The following ATP11A variants were observed in gnomAD, a reference collection of about 807,000 sequenced individuals.
ATP11A encodes the protein ATPase phospholipid transporting 11A.
In ATP11A, 81 loss-of-function variants were observed where a neutral mutation model predicts 154.4. The observed-to-expected ratio is 0.52, with a 90% confidence interval of 0.44 to 0.63. The LOEUF is 0.63. ATP11A is among the 30% of genes least tolerant of loss of function. The probability of loss-of-function intolerance (pLI) is 0.00; values close to 1 mark genes in which losing one functional copy is unlikely to be tolerated. For missense variants in ATP11A, 1,316 were observed against 1,474.3 expected (o/e 0.89, Z 1.76); for synonymous variants, 623 against 585.9 (o/e 1.06, Z -0.91).
chr13:112,819,358 G>A lies in ATP11A; in HGVS notation c.625G>A (p.Gly209Arg), dbSNP rs201814283. 60 of 1,614,074 alleles carry A rather than the reference G, an allele frequency of 3.7e-5. No homozygotes were observed. The highest frequency in any genetic ancestry group is 9.3e-5 in the African/African-American group (7 of 74,936). ...KGFHTEEDIG[G>R]LHATIECEQP... ...CTTCCACACAGAGGAGGATATCGGC[G>A]GACTTCACGCCACCATCGAGTGTGA... Residue 209 changes from glycine to arginine, a missense_variant, in exon 7 of 30, where the codon GGA becomes AGA. This residue lies in a region of ATP11A where 876 missense variants were observed against 1,006.8 expected (regional missense o/e 0.87). Coordinates refer to ENST00000375645, the MANE Select transcript of ATP11A (RefSeq NM_015205.3).
intron 1 of ATP11A, among the ~76,000 whole-genome samples, chr13:112,781,458 G>A (rs547904203): frequency 6.5e-4 from 99 of 152,300 alleles, no homozygotes; most frequent in Non-Finnish European, 1.2e-3. Flanking sequence ...GTTGCTAACT[G>A]TACAGAGAAC....
At chr13:112,802,890 A>G (rs1186197247) in intron 2 of ATP11A, among the ~76,000 whole-genome samples, 31 of 152,232 alleles carry the variant, frequency 2.0e-4, no homozygotes, top group East Asian at 1.9e-4. Flanking sequence ...CCTGGTATCA[A>G]ACAACACATG....
chr13:112,826,626 G>C, intron 11 of ATP11A, 68 bp from the exon 12 acceptor site: 1 of 1,267,348 alleles, frequency 7.9e-7, no homozygotes, highest in Non-Finnish European at 1.2e-6. Flanking sequence ...TGAGGTGTTA[G>C]AGCAGCATGT....
Position 112,851,159 on chromosome 13 carries a change from A to G in ATP11A, c.1932A>G (p.Glu644=). The change falls in exon 18 of 30, where the codon GAA becomes GAG. Residue 644 remains glutamate, a synonymous_variant. Coordinates refer to ENST00000375645, the MANE Select transcript of ATP11A (RefSeq NM_015205.3). The stretch of plus-strand genomic sequence containing the variant: ...AAGATCGAGAGAAAAAGTTAGCAGA[A>G]GCCTATGAGCAAATAGAGAAAGATC... The part of the protein sequence containing the change: ...ALQDREKKLA[E]AYEQIEKDLT... 6.2e-7 allele frequency: 1 copy of G among 1,614,254 alleles called. No homozygotes were observed. Among genetic ancestry groups the G allele is most frequent in the Non-Finnish European group, 8.5e-7 (1 of 1,180,046 alleles).
At chr13:112,830,695 G>A (rs1351510333) in intron 12 of ATP11A, among the ~76,000 whole-genome samples, 3 of 152,220 alleles carry the variant, frequency 2.0e-5, no homozygotes, top group African/African-American at 7.2e-5. Context: ...AAATGCTTGG[G>A]AAGAAGTGTC....
intron 2 of ATP11A, among the ~76,000 whole-genome samples, chr13:112,788,546 A>T (rs2077728572): frequency 7.0e-6 from 1 of 143,588 alleles, no homozygotes; most frequent in South Asian, 2.2e-4. Flanking sequence ...TGATGCGTAG[A>T]CTCCTGTGGA....
At position 112,865,787 on chromosome 13, in the gene ATP11A, G is replaced by T. The variant is rs149239065; in HGVS notation, c.2991+3212G>T. ...GATGGTCTCCATCTCCTGACCTCAG[G>T]TGATCTGCCCGCCTTGGCCTCCCGA... On this transcript the variant is annotated intron_variant, in intron 25 of 29. Transcript: ENST00000375645. Among the ~76,000 whole-genome samples, 73 of 152,332 alleles carry T rather than the reference G, an allele frequency of 4.8e-4. No individual in the cohort carries two copies. The East Asian group carries it at 0.013, about 27-fold the overall frequency.
chr13:112,836,044 G>A, intron 15 of ATP11A, 134 bp from the exon 16 acceptor site: 1 of 569,038 alleles, frequency 1.8e-6, no homozygotes, highest in East Asian at 2.9e-5. Context: ...CCCTCACCCA[G>A]CAGCCCTCTG....
At chr13:112,793,874 A>G (rs944105505) in intron 2 of ATP11A, among the ~76,000 whole-genome samples, 2 of 152,228 alleles carry the variant, frequency 1.3e-5, no homozygotes, top group Admixed American at 1.3e-4. Flanking sequence ...CTGTCTGCAC[A>G]CCACACTGCT....
rs182908817 is a variant in ATP11A at position 112,843,895 on chromosome 13, A to G, written c.1809+1516A>G. 2.6e-5 allele frequency among the ~76,000 whole-genome samples: 4 copies of G among 152,356 alleles called. No individual in the cohort carries two copies. The East Asian group carries it at 7.7e-4, about 29-fold the overall frequency. On this transcript the variant is annotated intron_variant, in intron 17 of 29. Transcript: ENST00000375645. ...GCTGCGTTGGAGCCAACAGGAATCC[A>G]TAAATCAGCAGCAGGTTAAAGATTG... is the stretch of plus-strand genomic sequence containing the variant.
intron 24 of ATP11A, among the ~76,000 whole-genome samples, chr13:112,861,412 C>A (rs1299192331): frequency 6.6e-6 from 1 of 152,242 alleles, no homozygotes; most frequent in African/African-American, 2.4e-5. Flanking sequence ...AAACTGCAGT[C>A]CAGCATCACA....
chr13:112,871,191 C>G (rs1057374012), intron 25 of ATP11A, among the ~76,000 whole-genome samples: 2 of 152,216 alleles, frequency 1.3e-5, no homozygotes, highest in African/African-American at 4.8e-5. Context: ...CGCCGCTGTT[C>G]TTCAACAGCA....
At chr13:112,846,775 G>A (rs899920756) in intron 17 of ATP11A, among the ~76,000 whole-genome samples, 1 of 152,152 alleles carries the variant, frequency 6.6e-6, no homozygotes, top group African/African-American at 2.4e-5. Flanking sequence ...ATCTTGTTCT[G>A]GGGTGTGGCT....
At chr13:112,757,641 C>T (rs2076872792) in intron 1 of ATP11A, among the ~76,000 whole-genome samples, 1 of 152,224 alleles carries the variant, frequency 6.6e-6, no homozygotes, top group Non-Finnish European at 1.5e-5. Flanking sequence ...TGTCTCATCC[C>T]TCAAGGGAAG....
At chr13:112,874,187 C>G (rs9549594) in intron 27 of ATP11A, among the ~76,000 whole-genome samples, 66,860 of 151,614 alleles carry the variant, frequency 0.44, 15,392 homozygotes, top group African/African-American at 0.58. Context: ...CCTGACTCAT[C>G]GGGGAGCCTC....
chr13:112,780,190 C>T (rs2077462936), intron 1 of ATP11A, among the ~76,000 whole-genome samples: 1 of 152,096 alleles, frequency 6.6e-6, no homozygotes, highest in Non-Finnish European at 1.5e-5. Flanking sequence ...GTAAAATCCT[C>T]CCTTTTAAAG....
intron 16 of ATP11A, among the ~76,000 whole-genome samples, chr13:112,837,686 A>ACAGACTC (rs11281363): frequency 0.69 from 104,302 of 151,366 alleles, 37,601 homozygotes; most frequent in African/African-American, 0.91. Flanking sequence ...CCGGAACCAG[A>ACAGACTC]CAGGCTGGAG....
At chr13:112,709,023 C>T (rs1010848607) in intron 1 of ATP11A, among the ~76,000 whole-genome samples, 8 of 151,978 alleles carry the variant, frequency 5.3e-5, no homozygotes, top group Non-Finnish European at 1.2e-4. Context: ...GGGTTCCAGG[C>T]GGGAAGGGGA....
At chr13:112,855,505 A>C (rs1376878804) in intron 19 of ATP11A, among the ~76,000 whole-genome samples, 1 of 152,172 alleles carries the variant, frequency 6.6e-6, no homozygotes, top group African/African-American at 2.4e-5. Flanking sequence ...CCCAGCAAAG[A>C]GGAGATTATG....
Sources: allele counts gnomAD v4.1 joint callset (sites outside exome capture counted in the v4.1 genomes callset), GRCh38; gene constraint gnomAD v4.1.1; regional missense constraint gnomAD v4.1.1; transcripts MANE v1.5; gene names NCBI Gene and HGNC (gene_info 2026-07-23, HGNC 2026-07-21).